The following KLRG1 variants were observed in gnomAD, a reference collection of about 807,000 sequenced individuals.
The protein encoded by KLRG1 is killer cell lectin-like receptor subfamily G member 1.
In KLRG1, 16 loss-of-function variants were observed where a neutral mutation model predicts 21.8. The observed-to-expected ratio is 0.73, with a 90% CI of 0.50 to 1.11. The LOEUF (loss-of-function observed/expected upper bound fraction) is 1.11. Among genes scored for constraint, KLRG1 ranks in the 50% most tolerant of loss-of-function variants. The pLI is 0.00. For synonymous variants in KLRG1, 69 were observed against 75.9 expected (o/e 0.91, Z 0.47); for missense variants, 173 against 218.3 (o/e 0.79, Z 1.31).
intron 3 of KLRG1, among the ~76,000 whole-genome samples, chr12:9,005,800 G>C (rs1362940552): frequency 6.6e-6 from 1 of 152,166 alleles, no homozygotes; most frequent in Non-Finnish European, 1.5e-5. Context: ...ATTTTCTTAA[G>C]GAGCAGGCAA....
At chr12:8,975,661 T>C (rs1336320867) in intron 1 of KLRG1, among the ~76,000 whole-genome samples, 1 of 152,146 alleles carries the variant, frequency 6.6e-6, no homozygotes, top group Non-Finnish European at 1.5e-5. Context: ...CTTCCCAGGC[T>C]CAAGTAATTC....
the KLRG1 span, among the ~76,000 whole-genome samples, chr12:9,148,566 A>T: frequency 7.9e-5 from 12 of 152,068 alleles, no homozygotes; most frequent in Non-Finnish European, 1.8e-4. Flanking sequence ...CATCTCAAAC[A>T]TCTCTTCTGA....
chr12:9,199,862 C>T, the KLRG1 span, among the ~76,000 whole-genome samples: 2 of 151,952 alleles, frequency 1.3e-5, no homozygotes, highest in Non-Finnish European at 2.9e-5. Context: ...TGAAAATTTC[C>T]GTTGTAGAGA....
At chr12:9,109,788 C>G in the KLRG1 span, 2 of 1,396,796 alleles carry the variant, frequency 1.4e-6, no homozygotes, top group African/African-American at 1.4e-5. Context: ...TGGAAAGACT[C>G]CAAATGAACT....
At chr12:9,157,664 A>G in the KLRG1 span, 1 of 1,066,604 alleles carries the variant, frequency 9.4e-7, no homozygotes, top group East Asian at 2.5e-5. Context: ...ATCCCTCATC[A>G]TTGAACCAAA....
chr12:9,093,116 A>G, the KLRG1 span, among the ~76,000 whole-genome samples: 2 of 152,214 alleles, frequency 1.3e-5, no homozygotes, highest in Non-Finnish European at 2.9e-5. Flanking sequence ...AAGCAGGTCA[A>G]AGGGTACAAA....
At chr12:9,154,067 T>C in the KLRG1 span, among the ~76,000 whole-genome samples, 1 of 152,190 alleles carries the variant, frequency 6.6e-6, no homozygotes, top group East Asian at 1.9e-4. Flanking sequence ...TCCAAAAAGA[T>C]CAAAGTGGAT....
the KLRG1 span, among the ~76,000 whole-genome samples, chr12:9,185,767 G>C: frequency 9.8e-6 from 1 of 101,922 alleles, no homozygotes; most frequent in Admixed American, 1.1e-4. Context: ...CAAGCCATAA[G>C]AGATTTGGGG....
the KLRG1 span, among the ~76,000 whole-genome samples, chr12:9,202,084 G>A: frequency 6.6e-6 from 1 of 152,126 alleles, no homozygotes. Flanking sequence ...TGTGTTCAGA[G>A]TAACAAATGC....
chr12:8,973,648 A>G (rs565341996), intron 1 of KLRG1, among the ~76,000 whole-genome samples: 1 of 152,220 alleles, frequency 6.6e-6, no homozygotes, highest in Non-Finnish European at 1.5e-5. Flanking sequence ...CATAGTATGG[A>G]TATTTTAACA....
At chr12:9,157,942 A>G in the KLRG1 span, 2 of 984,334 alleles carry the variant, frequency 2.0e-6, no homozygotes, top group Non-Finnish European at 3.1e-6. Flanking sequence ...TTTCCATTCA[A>G]AGTATACCAT....
At chr12:9,165,272 C>A in the KLRG1 span, 4 of 1,614,152 alleles carry the variant, frequency 2.5e-6, no homozygotes, top group Non-Finnish European at 3.4e-6. Flanking sequence ...GGAAGAGATA[C>A]CAAGTCCAGC....
At chr12:9,200,055 T>TC in the KLRG1 span, among the ~76,000 whole-genome samples, 6 of 152,234 alleles carry the variant, frequency 3.9e-5, no homozygotes, top group Admixed American at 2.6e-4. Flanking sequence ...ACAATGTCTC[T>TC]GTATTTTAGA....
chr12:9,158,674 A>G, the KLRG1 span: 2 of 1,197,038 alleles, frequency 1.7e-6, no homozygotes, highest in Non-Finnish European at 1.1e-6. Context: ...TGTGCACCCA[A>G]GAAAGTCAAT....
intron 1 of KLRG1, among the ~76,000 whole-genome samples, chr12:8,951,251 T>C (rs1373086239): frequency 6.6e-6 from 1 of 151,974 alleles, no homozygotes. Context: ...GGCAGAAGGA[T>C]CACTTGAGGT....
At chr12:9,091,122 G>T in the KLRG1 span, 2 of 1,488,660 alleles carry the variant, frequency 1.3e-6, no homozygotes. Context: ...GCATACAAGA[G>T]TTTGCAGTAT....
chr12:9,060,085 A>G, the KLRG1 span, among the ~76,000 whole-genome samples: 7 of 143,248 alleles, frequency 4.9e-5, no homozygotes, highest in Non-Finnish European at 9.0e-5. Flanking sequence ...GCTCACTGCA[A>G]GCTCCGCCTC....
intron 1 of KLRG1, among the ~76,000 whole-genome samples, chr12:8,962,588 C>T (rs1946398878): frequency 6.6e-6 from 1 of 151,670 alleles, no homozygotes; most frequent in South Asian, 2.1e-4. Flanking sequence ...TGGTGGTGAA[C>T]ACCTATAGTC....
At chr12:9,103,659 C>A in the KLRG1 span, among the ~76,000 whole-genome samples, 1 of 151,980 alleles carries the variant, frequency 6.6e-6, no homozygotes, top group Non-Finnish European at 1.5e-5. Context: ...GTGAATCATA[C>A]AGTATTGGTC....
Sources: gnomAD v4.1 joint callset for allele counts (sites outside exome capture counted in the v4.1 genomes callset) on GRCh38, gnomAD v4.1.1 for gene constraint, MANE v1.5 for transcripts, NCBI Gene and HGNC (gene_info 2026-07-23, HGNC 2026-07-21) for gene names.